KCNQ1: variants seen among roughly 807,000 people sequenced by gnomAD.
KCNQ1 encodes the protein potassium voltage-gated channel subfamily KQT member 1.
Under a neutral mutation model 72.4 loss-of-function variants are expected in KCNQ1, and 49 were observed. That is an observed-to-expected ratio of 0.68 (90% CI 0.54 to 0.86). KCNQ1 has a LOEUF of 0.86. Among genes scored for constraint, KCNQ1 ranks in the 40% least tolerant of loss-of-function variants. KCNQ1 has a pLI of 0.00. For synonymous variants in KCNQ1, 450 were observed against 412.6 expected, an observed-to-expected ratio of 1.09 and a Z score of -1.10; for missense variants, 790 against 945.1, an observed-to-expected ratio of 0.84 and a Z score of 2.15.
rs1162992167 is a variant in KCNQ1, at chr11:2,475,707, C to G, written c.386+30223C>G. The stretch of plus-strand genomic sequence containing the variant: ...TGAATTCCCTGTGTTGTGGGAGGGA[C>G]CTGGTGGGGGGTAATTGAATCACGG... On this transcript the variant is annotated intron_variant, in intron 1 of 15. Coordinates refer to ENST00000155840, the MANE Select transcript of KCNQ1 (RefSeq NM_000218.3). The surrounding 1 kb of genome is among the most constrained non-coding windows in gnomAD (Gnocchi z 5.8). Among the ~76,000 whole-genome samples the G allele has an allele frequency of 6.6e-6, 1 of 152,034 alleles. No individual in the cohort carries two copies. The highest frequency in any genetic ancestry group is 1.5e-5 in the Non-Finnish European group (1 of 68,012).
At chr11:2,454,528 A>G (rs1007804853) in intron 1 of KCNQ1, among the ~76,000 whole-genome samples, 1 of 152,156 alleles carries the variant, frequency 6.6e-6, no homozygotes, top group Non-Finnish European at 1.5e-5. Context: ...GTGGCCACAT[A>G]ATTGTTGTGA....
At position 2,657,349 on chromosome 11, in the gene KCNQ1, C is replaced by T. The variant is rs1474523366; in HGVS notation, c.1394-4612C>T. On this transcript the variant is annotated intron_variant, in intron 10 of 15. Coordinates refer to ENST00000155840, the MANE Select transcript of KCNQ1 (RefSeq NM_000218.3). The surrounding 1 kb of genome is among the most constrained non-coding windows in gnomAD (Gnocchi z 4.8). ...AGTCTTCTAGTCATTGGAATGAAGGCATATTTCTCCATTTATATCTTCTTC... is the reference window on the plus strand; with the variant it reads ...AGTCTTCTAGTCATTGGAATGAAGGTATATTTCTCCATTTATATCTTCTTC... 1 of 398,394 alleles carries T rather than the reference C, an allele frequency of 2.5e-6. No individual in the cohort carries two copies. Among genetic ancestry groups the T allele is most frequent in the Non-Finnish European group, 4.4e-6 (1 of 226,040 alleles). The allele number at this position is 398,394 out of a possible 1,614,324, so 24.7% of individuals were successfully genotyped here. A position where few individuals can be genotyped will look rare whatever the true frequency, so the allele number is the denominator to read the frequency against.
chr11:2,843,550 C>G (rs931771634), intron 15 of KCNQ1, among the ~76,000 whole-genome samples: 1 of 152,248 alleles, frequency 6.6e-6, no homozygotes, highest in Non-Finnish European at 1.5e-5. Flanking sequence ...GGACCCCCAC[C>G]CTGGGAGCAG....
intron 15 of KCNQ1, among the ~76,000 whole-genome samples, chr11:2,788,550 C>A (rs1846956402): frequency 6.6e-6 from 1 of 151,566 alleles, no homozygotes; most frequent in East Asian, 1.9e-4. Context: ...TCTGCACCAC[C>A]CCCCGCCCCC....
chr11:2,666,498 C>G, intron 11 of KCNQ1: 1 of 398,700 alleles, frequency 2.5e-6, no homozygotes, highest in Non-Finnish European at 4.4e-6. Flanking sequence ...TTGCTCTTTT[C>G]CAGCAAGGCC....
At position 2,566,011 on chromosome 11, in the gene KCNQ1, A is replaced by G. The variant is rs1456520093; in HGVS notation, c.478-4617A>G. ...CTTCCCGGCTGCCCACTAGATGACC[A>G]CCAAGGCAGGGCGGCTGGTGGTGCT... On this transcript the variant is annotated intron_variant, in intron 2 of 15. Transcript: ENST00000155840. The surrounding 1 kb of genome is among the most constrained non-coding windows in gnomAD (Gnocchi z 6.7). 6.6e-6 allele frequency among the ~76,000 whole-genome samples: 1 copy of G among 151,768 alleles called. No homozygotes were observed. The highest frequency in any genetic ancestry group is 2.4e-5 in the African/African-American group (1 of 41,284).
At chr11:2,616,788 C>T in intron 10 of KCNQ1, 1 of 398,124 alleles carries the variant, frequency 2.5e-6, no homozygotes, top group Admixed American at 4.4e-5. Context: ...TTTATTGAGA[C>T]TCTTTTGTGG....
intron 15 of KCNQ1, among the ~76,000 whole-genome samples, chr11:2,832,156 C>T (rs1019199188): frequency 6.6e-6 from 1 of 152,192 alleles, no homozygotes; most frequent in South Asian, 2.1e-4. Flanking sequence ...CCGGTCCCCA[C>T]CCTACCCTTT....
rs1849909874 is a variant in KCNQ1, at chr11:2,659,350, A to G, written c.1394-2611A>G. 1.0e-5 allele frequency: 4 copies of G among 398,506 alleles called. No homozygotes were observed. Among genetic ancestry groups the G allele is most frequent in the South Asian group, 1.3e-4 (1 of 7,870 alleles). 24.7% of individuals were successfully genotyped at this position (398,506 alleles called of 1,614,324 possible). On this transcript the variant is annotated intron_variant, in intron 10 of 15. Transcript: ENST00000155840. The surrounding 1 kb of genome is among the most constrained non-coding windows in gnomAD (Gnocchi z 4.3). ...TAGAATGTCCTATAAATGGGATCCT[A>G]TAATATGTATTCTTTTGCATCTGGC...
In KCNQ1 at chr11:2,508,455, A is replaced by C. The variant is rs1847141278; in HGVS notation, c.387-19473A>C. ...AGCTCCCGAGGCCTGGCTGCTCTGCATGGGGAGGAGTGTGGGTCCTGAGTG... is the reference window on the plus strand; with the variant it reads ...AGCTCCCGAGGCCTGGCTGCTCTGCCTGGGGAGGAGTGTGGGTCCTGAGTG... On this transcript the variant is annotated intron_variant, in intron 1 of 15. Coordinates refer to ENST00000155840, the MANE Select transcript of KCNQ1 (RefSeq NM_000218.3). This position sits in a 1 kb window ranked among gnomAD's most constrained non-coding sequence, Gnocchi z 6.2. Among the ~76,000 whole-genome samples the C allele has an allele frequency of 1.3e-5, 2 of 152,100 alleles. No individual in the cohort carries two copies. The highest frequency in any genetic ancestry group is 4.8e-5 in the African/African-American group (2 of 41,420).
rs893639345 is a variant in KCNQ1, at chr11:2,676,628, C to T, written c.1514+14547C>T. 5 of 398,526 alleles carry T rather than the reference C, an allele frequency of 1.3e-5. No individual in the cohort carries two copies. Among genetic ancestry groups the T allele is most frequent in the African/African-American group, 1.0e-4 (5 of 48,618 alleles). The allele number at this position is 398,526 out of a possible 1,614,324, so 24.7% of individuals were successfully genotyped here. On this transcript the variant is annotated intron_variant, in intron 11 of 15. Transcript: ENST00000155840. The surrounding 1 kb of genome is among the most constrained non-coding windows in gnomAD (Gnocchi z 4.2). ...GAGGCCTCTAAGAAATGGGTAGCTT[C>T]ACAGATTCACAGATAGATAGTTCAT...
At position 2,621,427 on chromosome 11, in the gene KCNQ1, T is replaced by C. The variant is rs1849170406; in HGVS notation, c.1393+32573T>C. ...TGCTTGTTGATTGGTTTAAGTTCCT[T>C]ATGGATTCTGGACATAGGACCTTTG... On this transcript the variant is annotated intron_variant, in intron 10 of 15. Transcript: ENST00000155840. The surrounding 1 kb of genome is among the most constrained non-coding windows in gnomAD (Gnocchi z 5.7). 1 of 398,658 alleles carries C rather than the reference T, an allele frequency of 2.5e-6. No homozygotes were observed. Among genetic ancestry groups the C allele is most frequent in the East Asian group, 3.6e-5 (1 of 28,080 alleles). The allele number at this position is 398,658 out of a possible 1,614,324, so 24.7% of individuals were successfully genotyped here.
intron 11 of KCNQ1, among the ~76,000 whole-genome samples, chr11:2,700,214 T>A (rs1479289146): frequency 6.6e-6 from 1 of 151,782 alleles, no homozygotes; most frequent in African/African-American, 2.4e-5. Flanking sequence ...CAGCGCCGCA[T>A]GAGGCACTGG....
At chr11:2,680,450 G>C (rs1432621346) in intron 11 of KCNQ1, 5 of 398,012 alleles carry the variant, frequency 1.3e-5, no homozygotes, top group Non-Finnish European at 2.2e-5. Context: ...TCATTTCTGG[G>C]TATTTTTAGG....
intron 8 of KCNQ1, among the ~76,000 whole-genome samples, 195 bp downstream of exon 8, chr11:2,585,502 C>T (rs1848580953): frequency 1.3e-5 from 2 of 152,364 alleles, no homozygotes; most frequent in South Asian, 4.1e-4. Flanking sequence ...CTGTCTTCCT[C>T]CAAAGCTGCT....
chr11:2,750,716 A>G lies in KCNQ1; in HGVS notation c.1515-18128A>G, dbSNP rs1442334255. On this transcript the variant is annotated intron_variant, in intron 11 of 15. Coordinates refer to ENST00000155840, the MANE Select transcript of KCNQ1 (RefSeq NM_000218.3). The surrounding 1 kb of genome is among the most constrained non-coding windows in gnomAD (Gnocchi z 6.3). ...CCCAATAAGTCATTTCAGTCAGGCC[A>G]TTACCAATGGCTCATAATCTCCTGG... 6.6e-6 allele frequency among the ~76,000 whole-genome samples: 1 copy of G among 152,182 alleles called. No individual in the cohort carries two copies. Among genetic ancestry groups the G allele is most frequent in the Non-Finnish European group, 1.5e-5 (1 of 68,028 alleles).
In KCNQ1 at chr11:2,676,642, TAG is replaced by T; in HGVS notation, c.1514+14563_1514+14564del. On this transcript the variant is annotated intron_variant, in intron 11 of 15. Transcript: ENST00000155840. This position sits in a 1 kb window ranked among gnomAD's most constrained non-coding sequence, Gnocchi z 4.2. Reference sequence around the variant, plus strand: ...ATGGGTAGCTTCACAGATTCACAGATAGATAGTTCATTAAGGTCTTGAGTATT... The same window carrying T: ...ATGGGTAGCTTCACAGATTCACAGATATAGTTCATTAAGGTCTTGAGTATT... 2.5e-6 allele frequency: 1 copy of T among 398,644 alleles called. No individual in the cohort carries two copies. 24.7% of individuals were successfully genotyped at this position (398,644 alleles called of 1,614,324 possible).
At chr11:2,751,812 G>T (rs1846230705) in intron 11 of KCNQ1, among the ~76,000 whole-genome samples, 1 of 152,264 alleles carries the variant, frequency 6.6e-6, no homozygotes, top group South Asian at 2.1e-4. Flanking sequence ...TACACAGAGT[G>T]CCTCTCCCAC....
At position 2,659,840 on chromosome 11, in the gene KCNQ1, TTATG is replaced by T. The variant is rs1156543983; in HGVS notation, c.1394-2117_1394-2114del. The T allele has an allele frequency of 1.3e-5, 5 of 398,384 alleles. No individual in the cohort carries two copies. The highest frequency in any genetic ancestry group is 2.1e-5 in the African/African-American group (1 of 48,626). The allele number at this position is 398,384 out of a possible 1,614,324, so 24.7% of individuals were successfully genotyped here. A position where few individuals can be genotyped will look rare whatever the true frequency, so the allele number is the denominator to read the frequency against. On this transcript the variant is annotated intron_variant, in intron 10 of 15. Transcript: ENST00000155840. This position sits in a 1 kb window ranked among gnomAD's most constrained non-coding sequence, Gnocchi z 4.3. ...ATTTGCATTTCCATATTTATGTTAA[TTATG>T]TATCTTTTCATGTGCTTATTTATAA...
Sources: gnomAD v4.1 joint callset for allele counts (sites outside exome capture counted in the v4.1 genomes callset) on GRCh38, gnomAD v4.1.1 for gene constraint, Gnocchi (gnomAD v3.1) non-coding constraint, MANE v1.5 for transcripts, NCBI Gene and HGNC (gene_info 2026-07-23, HGNC 2026-07-21) for gene names.